Variants in QSER1 observed in about 807,000 individuals in gnomAD.
QSER1 encodes the protein glutamine and serine-rich protein 1.
A neutral mutation model predicts 158.5 loss-of-function variants in QSER1; 49 were observed. The observed-to-expected ratio is 0.31, with a 90% confidence interval of 0.25 to 0.39. The LOEUF is 0.39. Ranked by LOEUF, QSER1 falls within the 10% of genes least tolerant of loss-of-function variation. QSER1 has a pLI of 1.00. For synonymous variants in QSER1, 650 were observed against 715.5 expected (o/e 0.91, Z 1.46); for missense variants, 1,754 against 2,010.3 (o/e 0.87, Z 2.44).
intron 1 of QSER1, among the ~76,000 whole-genome samples, chr11:32,922,479 ATTTTTTTT>A (rs57185302): frequency 2.1e-5 from 2 of 97,152 alleles, no homozygotes; most frequent in Admixed American, 1.2e-4. Context: ...AGAATGGCTA[ATTTTTTTT>A]TTTTTTTTTT....
intron 8 of QSER1, among the ~76,000 whole-genome samples, chr11:32,965,470 A>C (rs1221854252): frequency 6.6e-6 from 1 of 152,188 alleles, no homozygotes; most frequent in Non-Finnish European, 1.5e-5. Context: ...ATTTATGTCT[A>C]GGAATAAAAA....
At position 32,893,810 on chromosome 11, in the gene QSER1, T is replaced by C. The variant is rs1851518171; in HGVS notation, c.209+476T>C. 1.3e-5 allele frequency among the ~76,000 whole-genome samples: 2 copies of C among 151,996 alleles called. No individual in the cohort carries two copies. Among genetic ancestry groups the C allele is most frequent in the South Asian group, 4.2e-4 (2 of 4,814 alleles). On this transcript the variant is annotated intron_variant, in intron 1 of 12. Transcript: ENST00000650167. The surrounding 1 kb of genome is among the most constrained non-coding windows in gnomAD (Gnocchi z 4.7). ...GGAGAGGAAGAGTCGCGGAACCGCG[T>C]CCCGGAGACACTGGGGGGCCCGGGA...
At chr11:32,949,134 C>T (rs1852383473) in intron 4 of QSER1, among the ~76,000 whole-genome samples, 3 of 151,968 alleles carry the variant, frequency 2.0e-5, no homozygotes, top group Non-Finnish European at 2.9e-5. Context: ...ATATATTTCC[C>T]AGTTTACCCT....
intron 4 of QSER1, among the ~76,000 whole-genome samples, chr11:32,938,764 T>G (rs375950103): frequency 3.0e-4 from 45 of 152,278 alleles, no homozygotes; most frequent in African/African-American, 9.9e-4. Flanking sequence ...CTAGTAAAGT[T>G]TGTGATAAAA....
At chr11:32,915,911 A>C (rs950400294) in intron 1 of QSER1, among the ~76,000 whole-genome samples, 1 of 151,846 alleles carries the variant, frequency 6.6e-6, no homozygotes, top group African/African-American at 2.4e-5. Context: ...GGTTGGATGA[A>C]TATAATTTTG....
At chr11:32,899,777 G>A (rs1180356146) in intron 1 of QSER1, among the ~76,000 whole-genome samples, 5 of 152,158 alleles carry the variant, frequency 3.3e-5, no homozygotes, top group African/African-American at 1.2e-4. Context: ...GAAACTTGGA[G>A]TTCTGTCCTT....
chr11:32,958,053 C>G lies in QSER1; in HGVS notation c.4936C>G (p.Pro1646Ala). 1 of 1,614,104 alleles carries G rather than the reference C, an allele frequency of 6.2e-7. No homozygotes were observed. Among genetic ancestry groups the G allele is most frequent in the South Asian group, 1.1e-5 (1 of 91,086 alleles). The change falls in exon 8 of 13, where the codon CCT (proline) becomes GCT (alanine). Residue 1646 changes from proline (P) to alanine (A), a missense_variant. Pro to Ala is a conservative substitution (Grantham distance 27). This residue lies in a region of QSER1 where 1,707 missense variants were observed against 1,919.6 expected (regional missense o/e 0.89). Transcript: ENST00000650167. ...TTCATCATCCCAATCTGACTCATCT[C>G]CTGAGATCCATACTAGTAGTAGTGA... ...EFSSSQSDSS[P>A]EIHTSSSDDE...
chr11:32,970,542 C>T (rs1466607250), intron 10 of QSER1, among the ~76,000 whole-genome samples: 1 of 152,040 alleles, frequency 6.6e-6, no homozygotes, highest in Admixed American at 6.6e-5. Flanking sequence ...GTAGCTGGGT[C>T]CACAAGCATG....
intron 1 of QSER1, among the ~76,000 whole-genome samples, chr11:32,905,584 A>G (rs1277548360): frequency 6.6e-6 from 1 of 152,194 alleles, no homozygotes; most frequent in Non-Finnish European, 1.5e-5. Context: ...AAACTTAGAG[A>G]TGGTCTTTTG....
chr11:32,933,588 A>T lies in QSER1; in HGVS notation c.2330A>T (p.Gln777Leu). Residue 777 changes from glutamine (Q) to leucine (L), a missense_variant, in exon 4 of 13, where the codon CAA becomes CTA. Around this residue, in one of 2 missense-constraint regions of QSER1, gnomAD observed 1,707 missense variants for 1,919.6 expected, o/e 0.89. Coordinates refer to ENST00000650167, the MANE Select transcript of QSER1 (RefSeq NM_001076786.3). ...SVTQLNQQIG[Q>L]VNNAATLDLK... ...ACACAACTTAACCAACAAATTGGCC[A>T]AGTCAATAATGCAGCTACCCTTGAT... The T allele has an allele frequency of 6.2e-7, 1 of 1,614,070 alleles. No individual in the cohort carries two copies. Among genetic ancestry groups the T allele is most frequent in the Non-Finnish European group, 8.5e-7 (1 of 1,179,960 alleles).
chr11:32,928,364 T>C (rs1312850387), intron 3 of QSER1, among the ~76,000 whole-genome samples: 1 of 152,162 alleles, frequency 6.6e-6, no homozygotes, highest in Non-Finnish European at 1.5e-5. Context: ...TAGATAATGA[T>C]TAAAGAAGGT....
At position 32,934,366 on chromosome 11, in the gene QSER1, A is replaced by AGTG. The variant is rs771132320; in HGVS notation, c.3109_3110insTGG (p.Thr1036_Ala1037insVal). 1.4e-5 allele frequency: 23 copies of AGTG among 1,613,870 alleles called. No individual in the cohort carries two copies. The East Asian group carries it at 5.1e-4, about 36-fold the overall frequency. On this transcript the variant is annotated inframe_insertion, in exon 4 of 13. Coordinates refer to ENST00000650167, the MANE Select transcript of QSER1 (RefSeq NM_001076786.3). ...TGACTTCAGATTTTAACTCTATGAC[A>AGTG]GCTACAGTAGGAAAGCCACAGAATA...
rs554906222 is a variant in QSER1 at position 32,946,346 on chromosome 11, CT to C, written c.4178-7506del. The stretch of plus-strand genomic sequence containing the variant: ...TAGAGTTTCCAGTTTTTCTGTTCTG[CT>C]TTTTCCCCATCTTTGTGGTTTTATC... On this transcript the variant is annotated intron_variant, in intron 4 of 12. Coordinates refer to ENST00000650167, the MANE Select transcript of QSER1 (RefSeq NM_001076786.3). Among the ~76,000 whole-genome samples the C allele has an allele frequency of 4.1e-3, 629 of 152,258 alleles. 3 individuals are homozygous for C. The highest frequency in any genetic ancestry group is 0.014 in the African/African-American group (574 of 41,544).
At chr11:32,948,484 G>A (rs1157004660) in intron 4 of QSER1, among the ~76,000 whole-genome samples, 1 of 152,108 alleles carries the variant, frequency 6.6e-6, no homozygotes, top group Non-Finnish European at 1.5e-5. Context: ...AAACAGTTAG[G>A]TGGGCATGTT....
intron 1 of QSER1, among the ~76,000 whole-genome samples, chr11:32,896,116 G>A (rs1851551222): frequency 6.6e-6 from 1 of 152,166 alleles, no homozygotes; most frequent in Non-Finnish European, 1.5e-5. Flanking sequence ...CACGCAGTTG[G>A]AAATACCTTT....
chr11:32,909,927 T>A (rs957099284), intron 1 of QSER1, among the ~76,000 whole-genome samples: 1 of 152,128 alleles, frequency 6.6e-6, no homozygotes, highest in East Asian at 1.9e-4. Context: ...TAGCTATGTT[T>A]AAAAAAATGT....
chr11:32,943,860 G>C (rs1852283502), intron 4 of QSER1, among the ~76,000 whole-genome samples: 1 of 151,960 alleles, frequency 6.6e-6, no homozygotes, highest in Admixed American at 6.6e-5. Context: ...GAATCCATCT[G>C]GTCCTGGACT....
Position 32,893,245 on chromosome 11 carries a change from G to C in QSER1, c.120G>C (p.Ala40=), listed in dbSNP as rs2786801. The C allele has an allele frequency of 1, 150,503 of 150,570 alleles. 75,218 individuals carry two copies. Among genetic ancestry groups the C allele is most frequent in the Middle Eastern group, 1 (290 of 290 alleles). The allele number at this position is 150,570 out of a possible 1,614,324, so 9.3% of individuals were successfully genotyped here. The change falls in exon 1 of 13, where the codon GCG becomes GCC. Residue 40 remains alanine (A), a synonymous_variant. Transcript: ENST00000650167. The surrounding 1 kb of genome is among the most constrained non-coding windows in gnomAD (Gnocchi z 4.7). The part of the protein sequence containing the change: ...AAAQPPAPAW[A]YEPRAAAAAA... ...CGCAGCCCCCCGCCCCAGCCTGGGC[G>C]TACGAACCCCGAGCCGCCGCCGCCG... is the stretch of plus-strand genomic sequence containing the variant.
At chr11:32,900,507 T>C (rs2419783) in intron 1 of QSER1, among the ~76,000 whole-genome samples, 137,410 of 151,940 alleles carry the variant, frequency 0.9, 62,376 homozygotes, top group East Asian at 0.99. Context: ...TGCAGTGAGC[T>C]GAGATCACAC....
Sources: gnomAD v4.1 joint callset for allele counts (sites outside exome capture counted in the v4.1 genomes callset) on GRCh38, gnomAD v4.1.1 for gene constraint, gnomAD v4.1.1 regional missense constraint, Gnocchi (gnomAD v3.1) non-coding constraint, MANE v1.5 for transcripts, NCBI Gene and HGNC (gene_info 2026-07-23, HGNC 2026-07-21) for gene names.